The following ATXN10 variants were observed in gnomAD, a reference collection of about 807,000 sequenced individuals.
ATXN10 encodes ataxin 10.
A neutral mutation model predicts 52.9 loss-of-function variants in ATXN10; 28 were observed. The ratio of observed to expected loss-of-function variants is 0.53; its 90% confidence interval spans 0.39 to 0.73. ATXN10 has a LOEUF of 0.73. ATXN10 is among the 30% of genes least tolerant of loss of function. The pLI is 0.00. For missense variants in ATXN10, 565 were observed against 577.0 expected (o/e 0.98, Z 0.21); for synonymous variants, 226 against 221.5 (o/e 1.02, Z -0.18).
chr22:45,680,629 A>T (rs899443974), intron 1 of ATXN10, among the ~76,000 whole-genome samples: 50 of 145,014 alleles, frequency 3.4e-4, no homozygotes, highest in East Asian at 8.0e-4. Context: ...CTAATTAAAA[A>T]TTTTTTTTTT....
At position 45,671,954 on chromosome 22, in the gene ATXN10, G is replaced by C; in HGVS notation, c.-110G>C. 1.6e-6 allele frequency: 2 copies of C among 1,266,690 alleles called. No homozygotes were observed. Among genetic ancestry groups the C allele is most frequent in the South Asian group, 2.7e-5 (2 of 75,108 alleles). 78.5% of individuals were successfully genotyped at this position (1,266,690 alleles called of 1,614,324 possible). On this transcript the variant is annotated 5_prime_UTR_variant, in exon 1 of 12. Transcript: ENST00000252934. ...GGCGGTTAGGGCTGTGTAGGGCGAG[G>C]CCTCCCCCTTCCTCCTCGCCATCCT...
intron 9 of ATXN10, chr22:45,793,806 G>A (rs1219514928): frequency 1.5e-6 from 2 of 1,312,724 alleles, no homozygotes; most frequent in East Asian, 6.1e-5. Flanking sequence ...GACTTAGCCT[G>A]GGAAGGTTCT....
intron 9 of ATXN10, among the ~76,000 whole-genome samples, chr22:45,788,227 A>G (rs1395467003): frequency 6.6e-6 from 1 of 152,130 alleles, no homozygotes; most frequent in Non-Finnish European, 1.5e-5. Flanking sequence ...TGGATAATAT[A>G]TAACTGGTAA....
chr22:45,673,239 C>T (rs761535754), intron 1 of ATXN10: 4 of 152,232 alleles, frequency 2.6e-5, no homozygotes, highest in Non-Finnish European at 5.9e-5. Flanking sequence ...CTTGCTCTCT[C>T]CTGTACTAGT....
rs1010656293 is a variant in ATXN10 at position 45,841,725 on chromosome 22, T to C, written c.1238-1266T>C. Among the ~76,000 whole-genome samples, 1 of 152,234 alleles carries C rather than the reference T, an allele frequency of 6.6e-6. No individual in the cohort carries two copies. The highest frequency in any genetic ancestry group is 2.4e-5 in the African/African-American group (1 of 41,452). ...CTGTTGAATTAGGGAGAGAAACTGTTGGACTCATTTTCTTTCCCAAATACT... is the reference window on the plus strand; with the variant it reads ...CTGTTGAATTAGGGAGAGAAACTGTCGGACTCATTTTCTTTCCCAAATACT... On this transcript the variant is annotated intron_variant, in intron 10 of 11. Coordinates refer to ENST00000252934, the MANE Select transcript of ATXN10 (RefSeq NM_013236.4). This position sits in a 1 kb window ranked among gnomAD's most constrained non-coding sequence, Gnocchi z 5.1.
In ATXN10 at chr22:45,781,975, T is replaced by C. The variant is rs1171635975; in HGVS notation, c.1174-24984T>C. Reference sequence around the variant, plus strand: ...AAAAGTTAACCAAGCTTCAGGGATATGTGGGACTTTAATAAAAGGCCGAAA... The same window carrying C: ...AAAAGTTAACCAAGCTTCAGGGATACGTGGGACTTTAATAAAAGGCCGAAA... On this transcript the variant is annotated intron_variant, in intron 9 of 11. Coordinates refer to ENST00000252934, the MANE Select transcript of ATXN10 (RefSeq NM_013236.4). The surrounding 1 kb of genome is among the most constrained non-coding windows in gnomAD (Gnocchi z 4.2). Among the ~76,000 whole-genome samples the C allele has an allele frequency of 1.3e-5, 2 of 152,244 alleles. No homozygotes were observed. Among genetic ancestry groups the C allele is most frequent in the African/African-American group, 2.4e-5 (1 of 41,462 alleles).
Position 45,705,844 on chromosome 22 carries a change from C to G in ATXN10, c.647+2997C>G, listed in dbSNP as rs1488568614. ...TCTAGGCCGGGGGTCCTCCAGCCCC[C>G]GACCTGTGGACTGGTACCTGTCCAT... On this transcript the variant is annotated intron_variant, in intron 5 of 11. Transcript: ENST00000252934. This position sits in a 1 kb window ranked among gnomAD's most constrained non-coding sequence, Gnocchi z 5.2. Among the ~76,000 whole-genome samples the G allele has an allele frequency of 6.6e-6, 1 of 152,110 alleles. No individual in the cohort carries two copies. Among genetic ancestry groups the G allele is most frequent in the Admixed American group, 6.5e-5 (1 of 15,278 alleles).
intron 10 of ATXN10, among the ~76,000 whole-genome samples, chr22:45,812,668 T>G (rs931126057): frequency 3.9e-5 from 6 of 152,336 alleles, no homozygotes; most frequent in African/African-American, 1.4e-4. Flanking sequence ...CAATAGATAT[T>G]TTGGGCATGC....
rs1035128337 is a variant in ATXN10 at position 45,805,252 on chromosome 22, C to A, written c.1174-1707C>A. Among the ~76,000 whole-genome samples the A allele has an allele frequency of 1.3e-5, 2 of 152,182 alleles. No individual in the cohort carries two copies. Among genetic ancestry groups the A allele is most frequent in the Non-Finnish European group, 2.9e-5 (2 of 68,032 alleles). ...GAGATGCTGGAACCCTCATAAATTG[C>A]TGGGTGAAAATGTAAAATACTGTAA... On this transcript the variant is annotated intron_variant, in intron 9 of 11. Coordinates refer to ENST00000252934, the MANE Select transcript of ATXN10 (RefSeq NM_013236.4). The surrounding 1 kb of genome is among the most constrained non-coding windows in gnomAD (Gnocchi z 4.4).
At position 45,835,140 on chromosome 22, in the gene ATXN10, C is replaced by T. The variant is rs1929124712; in HGVS notation, c.1238-7851C>T. Among the ~76,000 whole-genome samples the T allele has an allele frequency of 6.6e-6, 1 of 152,220 alleles. No homozygotes were observed. Among genetic ancestry groups the T allele is most frequent in the African/African-American group, 2.4e-5 (1 of 41,448 alleles). Reference sequence around the variant, plus strand: ...GAATGTGAGGTACCTGTGAGCGCGGCCCTCCATCGGCCACAGAAGCTTTTG... The same window carrying T: ...GAATGTGAGGTACCTGTGAGCGCGGTCCTCCATCGGCCACAGAAGCTTTTG... On this transcript the variant is annotated intron_variant, in intron 10 of 11. Coordinates refer to ENST00000252934, the MANE Select transcript of ATXN10 (RefSeq NM_013236.4). The surrounding 1 kb of genome is among the most constrained non-coding windows in gnomAD (Gnocchi z 5.0).
intron 4 of ATXN10, among the ~76,000 whole-genome samples, chr22:45,700,707 A>G (rs538435401): frequency 1.3e-5 from 2 of 152,392 alleles, no homozygotes; most frequent in South Asian, 4.1e-4. Context: ...TGGATAAAGT[A>G]AGTAATATTG....
At chr22:45,689,583 A>G (rs1923287767) in intron 1 of ATXN10, 129 bp from the exon 2 acceptor site, 1 of 622,836 alleles carries the variant, frequency 1.6e-6, no homozygotes, top group Non-Finnish European at 2.7e-6. Context: ...GGTGTTGTAA[A>G]TTAAGGAGCT....
In ATXN10 at chr22:45,774,575, T is replaced by G. The variant is rs571401917; in HGVS notation, c.1174-32384T>G. ...GTGTTGTACAGCAAAGGATCCCAAC[T>G]CTAGGAAATCTTCCATGTCAGGTTC... On this transcript the variant is annotated intron_variant, in intron 9 of 11. Coordinates refer to ENST00000252934, the MANE Select transcript of ATXN10 (RefSeq NM_013236.4). The surrounding 1 kb of genome is among the most constrained non-coding windows in gnomAD (Gnocchi z 6.2). Among the ~76,000 whole-genome samples, 3 of 152,242 alleles carry G rather than the reference T, an allele frequency of 2.0e-5. No individual in the cohort carries two copies. Among genetic ancestry groups the G allele is most frequent in the Non-Finnish European group, 4.4e-5 (3 of 68,040 alleles).
At chr22:45,799,122 T>G (rs1330637157) in intron 9 of ATXN10, among the ~76,000 whole-genome samples, 2 of 151,594 alleles carry the variant, frequency 1.3e-5, no homozygotes, top group Non-Finnish European at 2.9e-5. Flanking sequence ...CTCTTGTTAC[T>G]CAGGCTGGTG....
chr22:45,751,363 T>G (rs1048594753), intron 9 of ATXN10, among the ~76,000 whole-genome samples: 1 of 152,156 alleles, frequency 6.6e-6, no homozygotes, highest in Admixed American at 6.5e-5. Context: ...GCATTGGATC[T>G]GGAGAATTTT....
chr22:45,755,063 A>G (rs1395241999), intron 9 of ATXN10, among the ~76,000 whole-genome samples: 1 of 152,202 alleles, frequency 6.6e-6, no homozygotes, highest in Non-Finnish European at 1.5e-5. Flanking sequence ...GGCATGGGGA[A>G]GGAGTACCAC....
rs1349714867 is a variant in ATXN10, at chr22:45,786,834, T to G, written c.1174-20125T>G. Among the ~76,000 whole-genome samples the G allele has an allele frequency of 6.6e-6, 1 of 152,218 alleles. No individual in the cohort carries two copies. Among genetic ancestry groups the G allele is most frequent in the Non-Finnish European group, 1.5e-5 (1 of 68,034 alleles). ...GGGGTGGTATGAATTGGGAGAACCCTCCTGGGAGGCATTTTAACAGTATGT... is the reference window on the plus strand; with the variant it reads ...GGGGTGGTATGAATTGGGAGAACCCGCCTGGGAGGCATTTTAACAGTATGT... On this transcript the variant is annotated intron_variant, in intron 9 of 11. Coordinates refer to ENST00000252934, the MANE Select transcript of ATXN10 (RefSeq NM_013236.4). This position sits in a 1 kb window ranked among gnomAD's most constrained non-coding sequence, Gnocchi z 4.1.
rs1922760013 is a variant in ATXN10, at chr22:45,677,756, G to T, written c.116+5577G>T. On this transcript the variant is annotated intron_variant, in intron 1 of 11. Transcript: ENST00000252934. The surrounding 1 kb of genome is among the most constrained non-coding windows in gnomAD (Gnocchi z 4.1). ...TTAGGGAAATGCAGTTAAAACTTCA[G>T]TGAGAGACTACTGCATGCCGTTTAG... is the stretch of plus-strand genomic sequence containing the variant. 1 of 152,156 alleles carries T rather than the reference G, an allele frequency of 6.6e-6. No individual in the cohort carries two copies. The highest frequency in any genetic ancestry group is 1.5e-5 in the Non-Finnish European group (1 of 68,022). The allele number at this position is 152,156 out of a possible 1,614,324, so 9.4% of individuals were successfully genotyped here.
In ATXN10 at chr22:45,688,533, A is replaced by G. The variant is rs374743710; in HGVS notation, c.117-1179A>G. ...GTCTGTTCGTAAGATAAAAACACAC[A>G]TCACTTGGTGTATAAGAAGCCATGG... On this transcript the variant is annotated intron_variant, in intron 1 of 11. Coordinates refer to ENST00000252934, the MANE Select transcript of ATXN10 (RefSeq NM_013236.4). The surrounding 1 kb of genome is among the most constrained non-coding windows in gnomAD (Gnocchi z 4.0). 1.3e-5 allele frequency among the ~76,000 whole-genome samples: 2 copies of G among 152,234 alleles called. No homozygotes were observed. The highest frequency in any genetic ancestry group is 6.5e-5 in the Admixed American group (1 of 15,284).
Sources: gnomAD v4.1 joint callset for allele counts (sites outside exome capture counted in the v4.1 genomes callset) on GRCh38, gnomAD v4.1.1 for gene constraint, Gnocchi (gnomAD v3.1) non-coding constraint, MANE v1.5 for transcripts, NCBI Gene and HGNC (gene_info 2026-07-23, HGNC 2026-07-21) for gene names.